CFAP299: variants seen among roughly 807,000 people sequenced by gnomAD.
The protein encoded by CFAP299 is cilia and flagella associated protein 299.
In CFAP299, 21 loss-of-function variants were observed where a neutral mutation model predicts 27.0. That is an observed-to-expected ratio of 0.78 (90% CI 0.55 to 1.12). CFAP299 has a LOEUF of 1.12. CFAP299 is among the 50% of genes most tolerant of loss of function. The pLI is 0.00. For synonymous variants in CFAP299, 104 were observed against 98.1 expected, an observed-to-expected ratio of 1.06 and a Z score of -0.36; for missense variants, 310 against 276.6, an observed-to-expected ratio of 1.12 and a Z score of -0.86.
intron 3 of CFAP299, among the ~76,000 whole-genome samples, chr4:80,591,642 T>C (rs374095338): frequency 3.9e-4 from 60 of 152,282 alleles, no homozygotes; most frequent in African/African-American, 1.3e-3. Context: ...GGAAAGGGAC[T>C]TTAGAAATGG....
chr4:80,835,466 T>A (rs1158568764), intron 3 of CFAP299, among the ~76,000 whole-genome samples: 3 of 149,602 alleles, frequency 2.0e-5, no homozygotes, highest in Non-Finnish European at 3.0e-5. Flanking sequence ...CACAACTGAG[T>A]ATAGCACCCA....
chr4:80,638,989 AG>A, intron 3 of CFAP299, among the ~76,000 whole-genome samples: 1 of 152,160 alleles, frequency 6.6e-6, no homozygotes, highest in African/African-American at 2.4e-5. Context: ...GCCCTAATGG[AG>A]CAGAAAGAGA....
intron 2 of CFAP299, among the ~76,000 whole-genome samples, chr4:80,433,710 T>C (rs1727931188): frequency 6.6e-6 from 1 of 152,008 alleles, no homozygotes; most frequent in African/African-American, 2.4e-5. Flanking sequence ...TAAGTAGTAA[T>C]TAATTTATTT....
chr4:80,718,272 G>A (rs1379347968), intron 3 of CFAP299, among the ~76,000 whole-genome samples: 2 of 152,080 alleles, frequency 1.3e-5, no homozygotes, highest in African/African-American at 2.4e-5. Flanking sequence ...GCATGGGAGA[G>A]TATCGTGTTC....
chr4:80,806,031 G>A lies in CFAP299; in HGVS notation c.334-63962G>A, dbSNP rs944797058. 8.4e-4 allele frequency among the ~76,000 whole-genome samples: 128 copies of A among 152,222 alleles called. 1 individual carries two copies. Among genetic ancestry groups the A allele is most frequent in the Non-Finnish European group, 3.1e-4 (21 of 67,984 alleles). On this transcript the variant is annotated intron_variant, in intron 3 of 5. Transcript: ENST00000358105. ...ATAATAATGACTTAGCTATAAGAAA[G>A]ATATCTTAAATGACAGAACAATAAT...
chr4:80,944,620 A>G (rs960932450), intron 4 of CFAP299, among the ~76,000 whole-genome samples, 190 bp from the exon 5 acceptor site: 2 of 152,234 alleles, frequency 1.3e-5, no homozygotes, highest in Non-Finnish European at 2.9e-5. Flanking sequence ...ATATGTGTCT[A>G]AATGATTTGG....
intron 3 of CFAP299, among the ~76,000 whole-genome samples, chr4:80,754,621 T>C (rs901715077): frequency 3.3e-5 from 5 of 152,122 alleles, no homozygotes; most frequent in Non-Finnish European, 5.9e-5. Flanking sequence ...GGCTTTCTCA[T>C]GACTCTCATT....
intron 3 of CFAP299, among the ~76,000 whole-genome samples, chr4:80,724,618 C>A (rs564511552): frequency 2.6e-5 from 4 of 151,810 alleles, no homozygotes; most frequent in Admixed American, 1.3e-4. Flanking sequence ...AAAAAGCAGG[C>A]CTTTTAGTTG....
At chr4:80,961,750 A>G (rs536816201) in intron 5 of CFAP299, among the ~76,000 whole-genome samples, 1 of 152,088 alleles carries the variant, frequency 6.6e-6, no homozygotes, top group African/African-American at 2.4e-5. Context: ...AAAGCATTGT[A>G]CTTTTTCCTG....
intron 2 of CFAP299, among the ~76,000 whole-genome samples, chr4:80,491,217 A>T (rs1560591403): frequency 1.3e-5 from 2 of 151,750 alleles, no homozygotes; most frequent in African/African-American, 4.9e-5. Flanking sequence ...CTTTTAAAAC[A>T]TTATAAGGAT....
At chr4:80,887,941 C>G (rs1734053141) in intron 4 of CFAP299, among the ~76,000 whole-genome samples, 1 of 151,730 alleles carries the variant, frequency 6.6e-6, no homozygotes, top group Admixed American at 6.6e-5. Flanking sequence ...TATATGCTAG[C>G]CTCATGGTAA....
chr4:80,865,565 A>G (rs2110163387), intron 3 of CFAP299, among the ~76,000 whole-genome samples: 1 of 152,342 alleles, frequency 6.6e-6, no homozygotes, highest in Non-Finnish European at 1.5e-5. Context: ...CAATTACTAC[A>G]TACTAATAAT....
At chr4:80,630,699 A>G (rs1041727219) in intron 3 of CFAP299, among the ~76,000 whole-genome samples, 4 of 152,094 alleles carry the variant, frequency 2.6e-5, no homozygotes, top group Non-Finnish European at 4.4e-5. Context: ...TTTATTCATG[A>G]AATTAATGAT....
intron 4 of CFAP299, among the ~76,000 whole-genome samples, chr4:80,923,900 T>C (rs569805888): frequency 6.6e-6 from 1 of 152,122 alleles, no homozygotes; most frequent in Non-Finnish European, 1.5e-5. Context: ...AAACTATAGT[T>C]ATATATTTTT....
At chr4:80,798,784 T>A (rs1334457766) in intron 3 of CFAP299, among the ~76,000 whole-genome samples, 1 of 151,986 alleles carries the variant, frequency 6.6e-6, no homozygotes, top group Non-Finnish European at 1.5e-5. Context: ...TCTTCACACA[T>A]AATCAAACGT....
chr4:80,598,807 A>G (rs994954858), intron 3 of CFAP299, among the ~76,000 whole-genome samples: 1 of 152,206 alleles, frequency 6.6e-6, no homozygotes, highest in Non-Finnish European at 1.5e-5. Flanking sequence ...TACCTAACAT[A>G]CTGTTTCCTC....
chr4:80,935,547 C>G (rs533949914), intron 4 of CFAP299, among the ~76,000 whole-genome samples: 1 of 146,388 alleles, frequency 6.8e-6, no homozygotes, highest in Non-Finnish European at 1.5e-5. Context: ...GAACCCCTTC[C>G]TTATATACTA....
At chr4:80,491,620 A>AT (rs575216669) in intron 2 of CFAP299, among the ~76,000 whole-genome samples, 2,617 of 149,914 alleles carry the variant, frequency 0.017, 69 homozygotes, top group African/African-American at 0.057. Context: ...CTAAACTCTG[A>AT]TTTTTTTTTT....
chr4:80,745,068 A>C lies in CFAP299; in HGVS notation c.334-124925A>C, dbSNP rs377321361. ...GATTTGTTACACACAGAATAAAGAA[A>C]AGAAAATTGATGTTTCACACACAAA... is the stretch of plus-strand genomic sequence containing the variant. On this transcript the variant is annotated intron_variant, in intron 3 of 5. Transcript: ENST00000358105. 8.5e-5 allele frequency among the ~76,000 whole-genome samples: 13 copies of C among 152,350 alleles called. No homozygotes were observed. In the South Asian group the frequency reaches 2.5e-3, roughly 29 times the overall value.
Sources: allele counts gnomAD v4.1 joint callset (sites outside exome capture counted in the v4.1 genomes callset), GRCh38; gene constraint gnomAD v4.1.1; transcripts MANE v1.5; gene names NCBI Gene and HGNC (gene_info 2026-07-23, HGNC 2026-07-21).